SYNPR: variants seen among roughly 807,000 people sequenced by gnomAD.
SYNPR encodes the protein synaptoporin.
A neutral mutation model predicts 32.9 loss-of-function variants in SYNPR; 23 were observed. The ratio of observed to expected loss-of-function variants is 0.70; its 90% confidence interval spans 0.50 to 0.99. SYNPR has a LOEUF of 0.99. SYNPR is among the 50% of genes least tolerant of loss of function. The pLI is 0.00. For missense variants in SYNPR, 318 were observed against 349.3 expected, an observed-to-expected ratio of 0.91 and a Z score of 0.71; for synonymous variants, 146 against 135.9, an observed-to-expected ratio of 1.07 and a Z score of -0.52.
At chr3:63,463,319 T>A (rs1235576877) in intron 2 of SYNPR, among the ~76,000 whole-genome samples, 1 of 152,040 alleles carries the variant, frequency 6.6e-6, no homozygotes, top group Non-Finnish European at 1.5e-5. Flanking sequence ...TTGGTGCACA[T>A]GGAAATAACA....
chr3:63,276,240 T>C (rs2086572956), upstream of SYNPR, among the ~76,000 whole-genome samples: 1 of 152,100 alleles, frequency 6.6e-6, no homozygotes, highest in African/African-American at 2.4e-5. Flanking sequence ...ATTTTACTGG[T>C]CAAAACAAGA....
chr3:63,537,410 C>T (rs1702229624), intron 3 of SYNPR, among the ~76,000 whole-genome samples: 1 of 152,034 alleles, frequency 6.6e-6, no homozygotes, highest in Non-Finnish European at 1.5e-5. Context: ...CGTTGAATTG[C>T]ATTTATCTGA....
chr3:63,559,585 C>A (rs1264726809), intron 4 of SYNPR, among the ~76,000 whole-genome samples: 4 of 151,854 alleles, frequency 2.6e-5, no homozygotes, highest in Non-Finnish European at 4.4e-5. Context: ...TGGGAGAATT[C>A]TCTGTTTTTA....
intron 2 of SYNPR, among the ~76,000 whole-genome samples, chr3:63,416,614 C>T (rs186842152): frequency 8.2e-4 from 122 of 149,086 alleles, no homozygotes; most frequent in African/African-American, 2.8e-3. Flanking sequence ...TTTCATGCTA[C>T]TAATAAAGAC....
exon 3 of SYNPR, chr3:63,267,427 T>C (rs2086499441): frequency 6.6e-6 from 1 of 152,216 alleles, no homozygotes; most frequent in Admixed American, 6.5e-5. Flanking sequence ...AGAATAACCT[T>C]TGCTGAAGTC....
intron 2 of SYNPR, among the ~76,000 whole-genome samples, chr3:63,254,305 A>C (rs2086363316): frequency 6.6e-6 from 1 of 152,164 alleles, no homozygotes; most frequent in Admixed American, 6.5e-5. Flanking sequence ...GTACCCTAAA[A>C]CTTAAAGTAT....
At chr3:63,305,566 T>C (rs1191661436) in intron 2 of SYNPR, among the ~76,000 whole-genome samples, 2 of 152,040 alleles carry the variant, frequency 1.3e-5, no homozygotes, top group African/African-American at 4.8e-5. Context: ...TCAAACTACA[T>C]TGTGATAAAT....
chr3:63,312,420 T>G (rs976284981), intron 2 of SYNPR, among the ~76,000 whole-genome samples: 2 of 151,966 alleles, frequency 1.3e-5, no homozygotes. Flanking sequence ...TCTCTCTTGC[T>G]CATGTTCCCT....
chr3:63,415,830 T>C (rs759921154), intron 2 of SYNPR, among the ~76,000 whole-genome samples: 1 of 152,220 alleles, frequency 6.6e-6, no homozygotes, highest in Non-Finnish European at 1.5e-5. Context: ...CACAGCTAAT[T>C]TGAATCACTT....
At chr3:63,245,342 T>A (rs2086275869) in intron 1 of SYNPR, among the ~76,000 whole-genome samples, 1 of 106,816 alleles carries the variant, frequency 9.4e-6, no homozygotes, top group South Asian at 2.4e-4. Context: ...ATTTAAAATC[T>A]GTCATTGACT....
intron 2 of SYNPR, among the ~76,000 whole-genome samples, chr3:63,364,035 T>C (rs1471719797): frequency 1.3e-5 from 2 of 152,180 alleles, no homozygotes; most frequent in African/African-American, 2.4e-5. Flanking sequence ...TGAGAAAATA[T>C]TAACAAATAG....
At chr3:63,584,097 G>A (rs1041534916) in intron 4 of SYNPR, among the ~76,000 whole-genome samples, 18 of 152,000 alleles carry the variant, frequency 1.2e-4, no homozygotes, top group African/African-American at 1.7e-4. Flanking sequence ...CTGTCCTGTC[G>A]GCATAGGCAT....
At chr3:63,407,760 G>T (rs2088381097) in intron 2 of SYNPR, among the ~76,000 whole-genome samples, 1 of 152,076 alleles carries the variant, frequency 6.6e-6, no homozygotes, top group African/African-American at 2.4e-5. Context: ...GGGTTAAGTA[G>T]AAAGAGTTCT....
At chr3:63,527,464 T>C (rs556425023) in intron 3 of SYNPR, among the ~76,000 whole-genome samples, 5 of 152,210 alleles carry the variant, frequency 3.3e-5, no homozygotes, top group Non-Finnish European at 5.9e-5. Flanking sequence ...CTAATTTGCA[T>C]TAATGGGATG....
intron 2 of SYNPR, among the ~76,000 whole-genome samples, chr3:63,382,194 C>G (rs148371666): frequency 2.7e-4 from 41 of 152,310 alleles, no homozygotes; most frequent in Middle Eastern, 3.4e-3. Context: ...GGAGGGGTGC[C>G]TCATTACTGC....
chr3:63,540,930 A>AC (rs1553644965), intron 3 of SYNPR, among the ~76,000 whole-genome samples: 1,998 of 122,808 alleles, frequency 0.016, 23 homozygotes, highest in African/African-American at 0.024. Flanking sequence ...TCCCCCCCCC[A>AC]ACACACACAC....
chr3:63,519,535 C>A (rs576668918), intron 3 of SYNPR, among the ~76,000 whole-genome samples: 1 of 152,308 alleles, frequency 6.6e-6, no homozygotes, highest in East Asian at 1.9e-4. Flanking sequence ...CTATAACCAA[C>A]TTTCAAGCCC....
At chr3:63,436,360 A>G (rs4311204) in intron 2 of SYNPR, among the ~76,000 whole-genome samples, 2,887 of 111,852 alleles carry the variant, frequency 0.026, 82 homozygotes, top group African/African-American at 0.084. Flanking sequence ...AGGCCCCAGT[A>G]TGTGACGTTC....
intron 4 of SYNPR, among the ~76,000 whole-genome samples, chr3:63,597,254 T>C (rs183383729): frequency 6.6e-6 from 1 of 152,280 alleles, no homozygotes; most frequent in Admixed American, 6.5e-5. Context: ...TTTTAAAATT[T>C]AAATAAATGT....
Sources: gnomAD v4.1 joint callset for allele counts (sites outside exome capture counted in the v4.1 genomes callset) on GRCh38, gnomAD v4.1.1 for gene constraint, MANE v1.5 for transcripts, NCBI Gene and HGNC (gene_info 2026-07-23, HGNC 2026-07-21) for gene names.